Variants in LRP1B observed in about 807,000 individuals in gnomAD.
The protein encoded by LRP1B is LDL receptor related protein 1B, also known as low-density lipoprotein receptor-related protein 1B.
LRP1B carries 217 observed loss-of-function variants against 556.6 expected under a neutral mutation model. The ratio of observed to expected loss-of-function variants is 0.39; its 90% confidence interval spans 0.35 to 0.44. The LOEUF is 0.44. Ranked by LOEUF, LRP1B falls within the 20% of genes least tolerant of loss-of-function variation. The pLI is 1.00. For synonymous variants in LRP1B, 2,047 were observed against 1,865.8 expected (o/e 1.10, Z -2.50); for missense variants, 5,053 against 5,620.8 (o/e 0.90, Z 3.23).
intron 1 of LRP1B, among the ~76,000 whole-genome samples, chr2:142,004,831 G>A (rs1478728080): frequency 6.6e-6 from 1 of 151,870 alleles, no homozygotes; most frequent in Admixed American, 6.6e-5. Context: ...CAGTCTGGGC[G>A]ACAGAGCAAG....
At chr2:141,225,234 G>T (rs1415982187) in intron 6 of LRP1B, among the ~76,000 whole-genome samples, 1 of 152,046 alleles carries the variant, frequency 6.6e-6, no homozygotes, top group African/African-American at 2.4e-5. Flanking sequence ...AACAGAAGCT[G>T]GCTAAATCCA....
intron 77 of LRP1B, among the ~76,000 whole-genome samples, chr2:140,342,495 C>T (rs1681446343): frequency 6.6e-6 from 1 of 151,296 alleles, no homozygotes; most frequent in Non-Finnish European, 1.5e-5. Flanking sequence ...TTATAATATT[C>T]CAAAACAATT....
At chr2:141,852,415 T>C (rs1026961855) in intron 1 of LRP1B, among the ~76,000 whole-genome samples, 3 of 151,814 alleles carry the variant, frequency 2.0e-5, no homozygotes, top group African/African-American at 7.2e-5. Context: ...CATGCATATA[T>C]GATAGGCTTC....
chr2:141,918,482 G>A (rs1052613187), intron 1 of LRP1B, among the ~76,000 whole-genome samples: 2 of 152,144 alleles, frequency 1.3e-5, no homozygotes, highest in African/African-American at 4.8e-5. Flanking sequence ...AGGAGGCAAA[G>A]AAACTGGAGA....
intron 2 of LRP1B, among the ~76,000 whole-genome samples, chr2:141,487,843 A>C (rs1191676387): frequency 1.2e-4 from 19 of 152,218 alleles, no homozygotes; most frequent in Admixed American, 1.2e-3. Flanking sequence ...TTTAGAGATC[A>C]AAGACTTGAA....
intron 3 of LRP1B, among the ~76,000 whole-genome samples, chr2:141,340,168 C>T (rs963701381): frequency 3.9e-5 from 6 of 152,216 alleles, no homozygotes; most frequent in Admixed American, 6.5e-5. Flanking sequence ...GAAGAAAAAT[C>T]CCCTTCAACT....
At chr2:141,153,739 T>A (rs1034852583) in intron 7 of LRP1B, among the ~76,000 whole-genome samples, 2 of 150,328 alleles carry the variant, frequency 1.3e-5, no homozygotes, top group Non-Finnish European at 3.0e-5. Context: ...AGCTAGGAAA[T>A]ATCTTCAAGA....
At chr2:141,089,311 T>C (rs904225191) in intron 7 of LRP1B, among the ~76,000 whole-genome samples, 1 of 152,214 alleles carries the variant, frequency 6.6e-6, no homozygotes, top group Admixed American at 6.5e-5. Flanking sequence ...TTCCATTCCT[T>C]TTCCACCAGG....
intron 2 of LRP1B, among the ~76,000 whole-genome samples, chr2:141,772,148 C>T (rs929594330): frequency 6.6e-6 from 1 of 152,104 alleles, no homozygotes; most frequent in East Asian, 1.9e-4. Context: ...ATGAAGACAG[C>T]TGTCAGCAAA....
chr2:141,224,276 A>G (rs1371025332), intron 6 of LRP1B, among the ~76,000 whole-genome samples: 4 of 152,306 alleles, frequency 2.6e-5, no homozygotes, highest in Admixed American at 1.3e-4. Flanking sequence ...AGAAATCCAA[A>G]TCAAAACCGT....
chr2:140,470,217 A>G (rs1054066706), intron 60 of LRP1B, among the ~76,000 whole-genome samples: 1 of 152,216 alleles, frequency 6.6e-6, no homozygotes, highest in Non-Finnish European at 1.5e-5. Context: ...CTTTATGATA[A>G]CACTCAGGAC....
intron 2 of LRP1B, among the ~76,000 whole-genome samples, chr2:141,624,167 T>C (rs550039782): frequency 3.7e-4 from 57 of 152,088 alleles, no homozygotes; most frequent in Non-Finnish European, 6.6e-4. Context: ...AAATCTTCAT[T>C]TGAGAACTTT....
At chr2:140,662,706 C>A (rs1685138449) in intron 41 of LRP1B, among the ~76,000 whole-genome samples, 1 of 152,104 alleles carries the variant, frequency 6.6e-6, no homozygotes, top group Non-Finnish European at 1.5e-5. Flanking sequence ...TTCCCTATGG[C>A]AAACCATTTT....
intron 79 of LRP1B, among the ~76,000 whole-genome samples, chr2:140,331,600 A>G (rs934786789): frequency 1.3e-5 from 2 of 151,582 alleles, no homozygotes; most frequent in African/African-American, 4.8e-5. Flanking sequence ...GAGCATCCAT[A>G]TGCTGTACAT....
chr2:141,821,443 C>T (rs138450510), intron 1 of LRP1B, among the ~76,000 whole-genome samples: 1 of 152,196 alleles, frequency 6.6e-6, no homozygotes, highest in East Asian at 1.9e-4. Context: ...CTTTTCTTCT[C>T]CTTGATGTCA....
At chr2:142,122,003 G>A (rs62155638) in intron 1 of LRP1B, among the ~76,000 whole-genome samples, 65,965 of 151,950 alleles carry the variant, frequency 0.43, 15,938 homozygotes, top group East Asian at 0.7. Context: ...TAAAATAATA[G>A]GTATTTATGT....
chr2:141,394,007 T>C (rs1346253956), intron 3 of LRP1B, among the ~76,000 whole-genome samples: 1 of 152,112 alleles, frequency 6.6e-6, no homozygotes, highest in East Asian at 1.9e-4. Context: ...GTCTTAATTA[T>C]TAGATTTGCA....
chr2:140,746,406 G>A (rs78630073), intron 35 of LRP1B, among the ~76,000 whole-genome samples: 6,739 of 151,868 alleles, frequency 0.044, 230 homozygotes, highest in South Asian at 0.096. Context: ...ATCTAATATC[G>A]AATCAAAATG....
chr2:140,293,564 C>T (rs1683484218), intron 84 of LRP1B, among the ~76,000 whole-genome samples: 2 of 152,126 alleles, frequency 1.3e-5, no homozygotes, highest in African/African-American at 4.8e-5. Flanking sequence ...ACTAATGGAC[C>T]TTTAATTAGG....
Sources: gnomAD v4.1 joint callset for allele counts (sites outside exome capture counted in the v4.1 genomes callset) on GRCh38, gnomAD v4.1.1 for gene constraint, MANE v1.5 for transcripts, NCBI Gene and HGNC (gene_info 2026-07-23, HGNC 2026-07-21) for gene names.